CBFA2T2: variants seen among roughly 807,000 people sequenced by gnomAD.
The protein encoded by CBFA2T2 is CBFA2/RUNX1 partner transcriptional co-repressor 2.
CBFA2T2 carries 11 observed loss-of-function variants against 62.2 expected under a neutral mutation model. That is an observed-to-expected ratio of 0.18 (90% CI 0.11 to 0.29). The LOEUF is 0.29. CBFA2T2 is among the 10% of genes least tolerant of loss of function. The pLI, the probability that CBFA2T2 is intolerant of heterozygous loss-of-function variation, is 1.00. For synonymous variants in CBFA2T2, 295 were observed against 287.5 expected (o/e 1.03, Z -0.27); for missense variants, 592 against 774.1 (o/e 0.76, Z 2.79).
intron 6 of CBFA2T2, among the ~76,000 whole-genome samples, chr20:33,626,342 G>A (rs1406753037): frequency 6.6e-6 from 1 of 152,202 alleles, no homozygotes; most frequent in African/African-American, 2.4e-5. Context: ...GAGGCATATC[G>A]AAATCTTGGC....
intron 1 of CBFA2T2, among the ~76,000 whole-genome samples, chr20:33,527,657 G>A (rs1002520345): frequency 4.0e-5 from 6 of 151,854 alleles, no homozygotes; most frequent in Non-Finnish European, 8.8e-5. Context: ...ATGGGAGTGA[G>A]CCACCTCACC....
rs926464382 is a variant in CBFA2T2, at chr20:33,648,337, C to T, written c.*3691C>T. On this transcript the variant is annotated 3_prime_UTR_variant, in exon 11 of 11. Coordinates refer to ENST00000342704, the MANE Select transcript of CBFA2T2 (RefSeq NM_001032999.3). ...CAAGGAACACTGATGAGTTGTGGGA[C>T]ATTATGGTCGGCCAAGTGAGGAATG... The T allele has an allele frequency of 1.3e-5, 2 of 152,278 alleles. No homozygotes were observed. The highest frequency in any genetic ancestry group is 2.1e-4 in the South Asian group (1 of 4,828). 9.4% of individuals were successfully genotyped at this position (152,278 alleles called of 1,614,324 possible).
chr20:33,571,379 A>G (rs564720259), intron 1 of CBFA2T2, among the ~76,000 whole-genome samples: 2 of 152,360 alleles, frequency 1.3e-5, no homozygotes, highest in East Asian at 3.9e-4. Context: ...GGGTGAGTTT[A>G]AAGATAGATG....
At chr20:33,521,447 T>C (rs2011727497) in intron 1 of CBFA2T2, among the ~76,000 whole-genome samples, 1 of 152,220 alleles carries the variant, frequency 6.6e-6, no homozygotes, top group Non-Finnish European at 1.5e-5. Context: ...ACAAAATTGT[T>C]GTATTTGTGT....
chr20:33,640,396 C>T lies in CBFA2T2; in HGVS notation c.1353C>T (p.Val451=), dbSNP rs147948049. 12 of 1,614,218 alleles carry T rather than the reference C, an allele frequency of 7.4e-6. No individual in the cohort carries two copies. The highest frequency in any genetic ancestry group is 1.6e-4 in the Middle Eastern group (1 of 6,062). ...CCATGTCAGAAGTACAGAAGGCCGT[C>T]GCTGAGGCAGAGCAGAAAGCCTTTG... ...IQAMSEVQKA[V]AEAEQKAFEV... is the part of the protein sequence containing the mutation. The change falls in exon 10 of 11, where the codon GTC becomes GTT. Residue 451 remains valine, a synonymous_variant. Coordinates refer to ENST00000342704, the MANE Select transcript of CBFA2T2 (RefSeq NM_001032999.3).
chr20:33,610,274 C>T (rs2015476226), intron 2 of CBFA2T2, among the ~76,000 whole-genome samples: 1 of 152,150 alleles, frequency 6.6e-6, no homozygotes, highest in South Asian at 2.1e-4. Context: ...TGCTGCTGCA[C>T]TCCAGCTTGG....
intron 8 of CBFA2T2, among the ~76,000 whole-genome samples, chr20:33,631,878 A>C (rs1036734502): frequency 5.9e-5 from 9 of 152,218 alleles, no homozygotes; most frequent in African/African-American, 2.2e-4. Context: ...TGTCCATTTT[A>C]GTATAGTATG....
chr20:33,590,262 A>G (rs1384842292), intron 1 of CBFA2T2, among the ~76,000 whole-genome samples: 1 of 152,048 alleles, frequency 6.6e-6, no homozygotes, highest in Non-Finnish European at 1.5e-5. Context: ...AAAAAAAAAA[A>G]AATCTGCAAT....
chr20:33,552,301 T>C (rs1033608285), intron 1 of CBFA2T2, among the ~76,000 whole-genome samples: 3 of 152,210 alleles, frequency 2.0e-5, no homozygotes, highest in African/African-American at 7.2e-5. Flanking sequence ...AATTGGATCT[T>C]GAGCTGTTTA....
At position 33,646,554 on chromosome 20, in the gene CBFA2T2, C is replaced by T. The variant is rs1464372419; in HGVS notation, c.*1908C>T. On this transcript the variant is annotated 3_prime_UTR_variant, in exon 11 of 11. Coordinates refer to ENST00000342704, the MANE Select transcript of CBFA2T2 (RefSeq NM_001032999.3). ...TCTCCTTGGATACAGGTACATCTTA[C>T]TGTAAGAATTTCAAGTCCTGGCTGG... The T allele has an allele frequency of 6.6e-6, 1 of 152,082 alleles. No homozygotes were observed. The highest frequency in any genetic ancestry group is 1.5e-5 in the Non-Finnish European group (1 of 68,032). 9.4% of individuals were successfully genotyped at this position (152,082 alleles called of 1,614,324 possible).
At chr20:33,628,500 G>A (rs1307846219) in intron 7 of CBFA2T2, 65 bp downstream of exon 7, 14 of 1,117,920 alleles carry the variant, frequency 1.3e-5, no homozygotes, top group East Asian at 2.4e-5. Context: ...CAGGAGTCTC[G>A]CTCTGTCACC....
Position 33,612,889 on chromosome 20 carries a change from C to T in CBFA2T2, c.420+1554C>T, listed in dbSNP as rs191409454. The stretch of plus-strand genomic sequence containing the variant: ...TTGCTTGGATGCAGGAGTTCAAGAC[C>T]AGCCTGGGTACATAGTGAGACTGCC... On this transcript the variant is annotated intron_variant, in intron 3 of 10. Coordinates refer to ENST00000342704, the MANE Select transcript of CBFA2T2 (RefSeq NM_001032999.3). 7.9e-5 allele frequency among the ~76,000 whole-genome samples: 12 copies of T among 152,208 alleles called. No homozygotes were observed. In the East Asian group the frequency reaches 2.3e-3, roughly 29 times the overall value.
At chr20:33,565,918 A>G (rs2013292318) in intron 1 of CBFA2T2, among the ~76,000 whole-genome samples, 1 of 152,336 alleles carries the variant, frequency 6.6e-6, no homozygotes, top group East Asian at 1.9e-4. Context: ...GAGTGAACGA[A>G]TGTATTTAAT....
intron 2 of CBFA2T2, among the ~76,000 whole-genome samples, chr20:33,608,619 A>G (rs1225669770): frequency 3.9e-5 from 6 of 152,200 alleles, no homozygotes; most frequent in South Asian, 2.1e-4. Flanking sequence ...CATATATACT[A>G]TCTTGAAAAG....
At chr20:33,624,088 TG>T in intron 5 of CBFA2T2, 1 of 525,064 alleles carries the variant, frequency 1.9e-6, no homozygotes, top group African/African-American at 1.9e-5. Flanking sequence ...TATTAATATT[TG>T]CCAATGACTC....
rs1207925190 is a variant in CBFA2T2, at chr20:33,644,778, A to G, written c.*132A>G. 12 of 926,684 alleles carry G rather than the reference A, an allele frequency of 1.3e-5. No individual in the cohort carries two copies. In the African/African-American group the frequency reaches 1.8e-4, roughly 14 times the overall value. The allele number at this position is 926,684 out of a possible 1,614,324, so 57.4% of individuals were successfully genotyped here. ...AATGAATTGGAGGCAGGAAGAGTCC[A>G]AGCCTGAATAATAACACCCCACAGC... On this transcript the variant is annotated 3_prime_UTR_variant, in exon 11 of 11. Transcript: ENST00000342704.
intron 1 of CBFA2T2, among the ~76,000 whole-genome samples, chr20:33,492,118 G>A (rs2011151062): frequency 6.6e-6 from 1 of 151,984 alleles, no homozygotes; most frequent in African/African-American, 2.4e-5. Context: ...CTGAACTCAG[G>A]GGATCCATCT....
Position 33,559,317 on chromosome 20 carries a change from G to T in CBFA2T2, c.35-47639G>T, listed in dbSNP as rs2146891056. 1.3e-5 allele frequency among the ~76,000 whole-genome samples: 2 copies of T among 151,780 alleles called. 1 individual carries two copies. The highest frequency in any genetic ancestry group is 4.2e-4 in the South Asian group (2 of 4,786). ...GACTCCTGAGTAGCTGGAACTATAG[G>T]CATGTGCCAGCATGCCTGGCTAATT... On this transcript the variant is annotated intron_variant, in intron 1 of 10. Coordinates refer to ENST00000342704, the MANE Select transcript of CBFA2T2 (RefSeq NM_001032999.3).
chr20:33,643,370 G>T (rs530457691), intron 10 of CBFA2T2, among the ~76,000 whole-genome samples: 6 of 152,214 alleles, frequency 3.9e-5, no homozygotes, highest in Admixed American at 3.9e-4. Context: ...GAGGCCAGGA[G>T]GTCAAGACCA....
Sources: gnomAD v4.1 joint callset for allele counts (sites outside exome capture counted in the v4.1 genomes callset) on GRCh38, gnomAD v4.1.1 for gene constraint, MANE v1.5 for transcripts, NCBI Gene and HGNC (gene_info 2026-07-23, HGNC 2026-07-21) for gene names.